Variants in SCHIP1 observed in about 807,000 individuals in gnomAD.
The protein encoded by SCHIP1 is schwannomin interacting protein 1, also known as schwannomin-interacting protein 1.
SCHIP1 carries 8 observed loss-of-function variants against 29.7 expected under a neutral mutation model. The observed-to-expected ratio is 0.27, with a 90% CI of 0.16 to 0.49. The LOEUF (loss-of-function observed/expected upper bound fraction) is 0.49, where lower values mean the gene tolerates loss of function less well. Ranked by LOEUF, SCHIP1 falls within the 20% of genes least tolerant of loss-of-function variation. The pLI is 0.99. For synonymous variants in SCHIP1, 76 were observed against 94.9 expected (o/e 0.80, Z 1.16); for missense variants, 193 against 294.6 (o/e 0.66, Z 2.52).
the SCHIP1 span, among the ~76,000 whole-genome samples, chr3:159,395,284 TAATTTTTTG>T: frequency 2.0e-5 from 3 of 152,300 alleles, no homozygotes; most frequent in African/African-American, 7.2e-5. Context: ...CTAGATTCAT[TAATTTTTTG>T]AAGGGTTTTT....
the SCHIP1 span, among the ~76,000 whole-genome samples, chr3:159,761,991 C>A: frequency 1.3e-5 from 2 of 152,174 alleles, no homozygotes; most frequent in African/African-American, 4.8e-5. Context: ...TGTCCTGCCA[C>A]AGAGCAGGGA....
At chr3:159,479,936 A>G in the SCHIP1 span, among the ~76,000 whole-genome samples, 1 of 152,190 alleles carries the variant, frequency 6.6e-6, no homozygotes, top group African/African-American at 2.4e-5. Context: ...TTCTAGCTAT[A>G]CTGTGGAGTT....
At chr3:159,886,694 T>G (rs1716993365) in intron 3 of SCHIP1, 1 of 206,084 alleles carries the variant, frequency 4.9e-6, no homozygotes, top group Non-Finnish European at 9.8e-6. Flanking sequence ...AGTTCAAGGC[T>G]GCAGTGAGCT....
the SCHIP1 span, among the ~76,000 whole-genome samples, chr3:159,646,905 A>T: frequency 7.2e-5 from 11 of 152,186 alleles, no homozygotes; most frequent in Admixed American, 2.6e-4. Flanking sequence ...CCCAGGACCC[A>T]GGGGTACCTA....
chr3:159,291,975 T>C, the SCHIP1 span, among the ~76,000 whole-genome samples: 1 of 152,156 alleles, frequency 6.6e-6, no homozygotes, highest in Non-Finnish European at 1.5e-5. Flanking sequence ...TGGGCTTTGT[T>C]TGGCTTCTGA....
the SCHIP1 span, among the ~76,000 whole-genome samples, chr3:159,643,657 C>T: frequency 2.0e-5 from 3 of 152,238 alleles, no homozygotes; most frequent in East Asian, 5.8e-4. Flanking sequence ...ATGTCCTTGA[C>T]TATTTGCAAA....
chr3:159,763,707 G>T, the SCHIP1 span: 1 of 152,228 alleles, frequency 6.6e-6, no homozygotes, highest in African/African-American at 2.4e-5. Flanking sequence ...CGGTGACGGC[G>T]CCTGCAGCGA....
At chr3:159,455,496 A>G in the SCHIP1 span, among the ~76,000 whole-genome samples, 1 of 152,232 alleles carries the variant, frequency 6.6e-6, no homozygotes, top group Admixed American at 6.5e-5. Flanking sequence ...AAAGTATACA[A>G]GTCAAGCAAG....
the SCHIP1 span, among the ~76,000 whole-genome samples, chr3:159,598,316 G>A: frequency 7.9e-5 from 12 of 152,120 alleles, no homozygotes. Context: ...AGTCTCATCT[G>A]AGGCAAGGCA....
chr3:159,864,425 A>G (rs1301748111), intron 1 of SCHIP1, among the ~76,000 whole-genome samples: 5 of 151,858 alleles, frequency 3.3e-5, no homozygotes, highest in Non-Finnish European at 5.9e-5. Flanking sequence ...CTGTAAAAAA[A>G]ACAAAAAATC....
chr3:159,524,076 T>G, the SCHIP1 span, among the ~76,000 whole-genome samples: 1 of 152,212 alleles, frequency 6.6e-6, no homozygotes, highest in Non-Finnish European at 1.5e-5. Flanking sequence ...CTGGTCTCAG[T>G]GTGCACCTGC....
At chr3:159,643,052 G>T in the SCHIP1 span, among the ~76,000 whole-genome samples, 1 of 152,050 alleles carries the variant, frequency 6.6e-6, no homozygotes, top group East Asian at 1.9e-4. Flanking sequence ...AAGGGCTACT[G>T]GTTGGTTGGT....
At chr3:159,435,752 T>C in the SCHIP1 span, among the ~76,000 whole-genome samples, 1 of 152,164 alleles carries the variant, frequency 6.6e-6, no homozygotes, top group African/African-American at 2.4e-5. Flanking sequence ...TGCCACCCTC[T>C]GCATGGTGTC....
the SCHIP1 span, among the ~76,000 whole-genome samples, chr3:159,408,376 C>T: frequency 3.7e-5 from 5 of 135,728 alleles, no homozygotes; most frequent in African/African-American, 1.4e-4. Flanking sequence ...ATTAATGAAA[C>T]AAAAAGTTGG....
the SCHIP1 span, among the ~76,000 whole-genome samples, chr3:159,780,878 G>A: frequency 6.6e-5 from 10 of 152,318 alleles, no homozygotes; most frequent in Admixed American, 6.5e-4. Flanking sequence ...GCGTCTAGCT[G>A]CATCCACAGG....
the SCHIP1 span, among the ~76,000 whole-genome samples, chr3:159,602,914 G>A: frequency 2.0e-5 from 3 of 152,066 alleles, no homozygotes; most frequent in African/African-American, 4.8e-5. Flanking sequence ...GGTGTTCCCC[G>A]ATTCAACTCT....
At chr3:159,714,961 A>G in the SCHIP1 span, among the ~76,000 whole-genome samples, 1 of 152,136 alleles carries the variant, frequency 6.6e-6, no homozygotes, top group South Asian at 2.1e-4. Flanking sequence ...TGGGCCCCTA[A>G]CCCCCGAGTA....
At chr3:159,781,874 A>G in the SCHIP1 span, among the ~76,000 whole-genome samples, 1 of 152,248 alleles carries the variant, frequency 6.6e-6, no homozygotes, top group African/African-American at 2.4e-5. Context: ...CCTTGCCACT[A>G]AAAATCTAGA....
the SCHIP1 span, among the ~76,000 whole-genome samples, chr3:159,824,200 C>T: frequency 6.6e-6 from 1 of 152,308 alleles, no homozygotes; most frequent in South Asian, 2.1e-4. Flanking sequence ...TTATTCTTAA[C>T]TTCAAGTGAA....
Sources: gnomAD v4.1 joint callset for allele counts (sites outside exome capture counted in the v4.1 genomes callset) on GRCh38, gnomAD v4.1.1 for gene constraint, MANE v1.5 for transcripts, NCBI Gene and HGNC (gene_info 2026-07-23, HGNC 2026-07-21) for gene names.